Variants in CAPZB observed in about 807,000 individuals in gnomAD.
CAPZB encodes the protein F-actin-capping protein subunit beta.
A neutral mutation model predicts 38.1 loss-of-function variants in CAPZB; 2 were observed. That is an observed-to-expected ratio of 0.05 (90% CI 0.02 to 0.17). The LOEUF is 0.17. Ranked by LOEUF, CAPZB falls within the 10% of genes least tolerant of loss-of-function variation. CAPZB has a pLI of 1.00. For synonymous variants in CAPZB, 107 were observed against 127.4 expected, an observed-to-expected ratio of 0.84 and a Z score of 1.08; for missense variants, 161 against 334.2, an observed-to-expected ratio of 0.48 and a Z score of 4.04.
At chr1:19,423,381 C>A (rs1467701632) in intron 1 of CAPZB, among the ~76,000 whole-genome samples, 4 of 152,012 alleles carry the variant, frequency 2.6e-5, no homozygotes, top group Admixed American at 2.6e-4. Flanking sequence ...TGTGGATGAC[C>A]TTCAGCTACA....
In CAPZB at chr1:19,366,801, T is replaced by G. The variant is rs112205621; in HGVS notation, c.330-9238A>C. Among the ~76,000 whole-genome samples the G allele has an allele frequency of 2.2e-4, 33 of 152,180 alleles. 1 individual carries two copies. The highest frequency in any genetic ancestry group is 7.7e-4 in the African/African-American group (32 of 41,514). On this transcript the variant is annotated intron_variant, in intron 4 of 8. Coordinates refer to ENST00000264202, the MANE Select transcript of CAPZB (RefSeq NM_004930.5). ...CAGAGCCATTCCCCGGCAGCTGAGG[T>G]TCTGGCCCTAAAACAATGCCTTTTT... is the stretch of plus-strand genomic sequence containing the variant.
intron 2 of CAPZB, among the ~76,000 whole-genome samples, chr1:19,391,409 A>G (rs571190294): frequency 1.3e-5 from 2 of 152,286 alleles, no homozygotes; most frequent in East Asian, 3.9e-4. Flanking sequence ...CTGTTGGCCG[A>G]GAGCCCACCA....
chr1:19,405,541 CAAAA>C (rs10577923), intron 2 of CAPZB, among the ~76,000 whole-genome samples: 2,211 of 96,428 alleles, frequency 0.023, 21 homozygotes, highest in Middle Eastern at 0.082. Flanking sequence ...TAGAAAGAGG[CAAAA>C]AAAAAAAAAA....
chr1:19,409,415 T>C lies in CAPZB; in HGVS notation c.93+10246A>G, dbSNP rs141432110. Among the ~76,000 whole-genome samples, 190 of 152,222 alleles carry C rather than the reference T, an allele frequency of 1.2e-3. 1 individual carries two copies. The highest frequency in any genetic ancestry group is 4.5e-3 in the African/African-American group (187 of 41,540). Reference sequence around the variant, plus strand: ...GAAGGAGGCTTTTCCAGCCATCCCATCTCGGTTTATTTTGCACTTCTAACT... The same window carrying C: ...GAAGGAGGCTTTTCCAGCCATCCCACCTCGGTTTATTTTGCACTTCTAACT... On this transcript the variant is annotated intron_variant, in intron 2 of 8. Transcript: ENST00000264202.
At chr1:19,342,773 G>C (rs747409737) in intron 8 of CAPZB, 2 of 1,610,702 alleles carry the variant, frequency 1.2e-6, no homozygotes, top group Non-Finnish European at 1.7e-6. Context: ...TAATTATCAG[G>C]CTGGATGTAG....
chr1:19,367,676 G>A (rs2094097065), intron 4 of CAPZB, among the ~76,000 whole-genome samples: 1 of 152,154 alleles, frequency 6.6e-6, no homozygotes, highest in Non-Finnish European at 1.5e-5. Flanking sequence ...GTACACACAG[G>A]TGCAACAATC....
chr1:19,387,942 T>G (rs1053380272), intron 2 of CAPZB, among the ~76,000 whole-genome samples: 8 of 152,196 alleles, frequency 5.3e-5, no homozygotes, highest in Non-Finnish European at 1.2e-4. Flanking sequence ...CTGTCACCTG[T>G]TACTCTCAGA....
At chr1:19,402,936 C>T (rs2094310988) in intron 2 of CAPZB, among the ~76,000 whole-genome samples, 1 of 152,098 alleles carries the variant, frequency 6.6e-6, no homozygotes, top group South Asian at 2.1e-4. Flanking sequence ...GTAATCCCAG[C>T]TACTTGGGAG....
chr1:19,462,970 A>G (rs2094556905), intron 1 of CAPZB, among the ~76,000 whole-genome samples: 1 of 152,256 alleles, frequency 6.6e-6, no homozygotes, highest in South Asian at 2.1e-4. Flanking sequence ...GCCCAGATAT[A>G]GAACATTTCC....
intron 6 of CAPZB, among the ~76,000 whole-genome samples, chr1:19,348,424 C>T (rs1026157778): frequency 6.6e-6 from 1 of 152,148 alleles, no homozygotes; most frequent in African/African-American, 2.4e-5. Context: ...AGTTAGCATT[C>T]ATCTGCTTAA....
At chr1:19,364,841 CTT>C (rs754275666) in intron 4 of CAPZB, among the ~76,000 whole-genome samples, 3 of 147,900 alleles carry the variant, frequency 2.0e-5, no homozygotes, top group African/African-American at 4.9e-5. Context: ...AGTATTTTTT[CTT>C]TTTTTTTTTC....
intron 4 of CAPZB, among the ~76,000 whole-genome samples, chr1:19,375,701 A>G (rs1183007747): frequency 6.6e-6 from 1 of 152,098 alleles, no homozygotes; most frequent in African/African-American, 2.4e-5. Flanking sequence ...ACAAATACAC[A>G]TTTCCCAGGG....
At chr1:19,420,019 CCTCACCGGCTCCCCTGCTCCTG>C (rs1296374105) in intron 1 of CAPZB, 2 of 424,460 alleles carry the variant, frequency 4.7e-6, no homozygotes, top group Non-Finnish European at 8.5e-6. Context: ...CAGAAAGCTC[CCTCACCGGCTCCCCTGCTCCTG>C]CTCAACAGGC....
chr1:19,351,876 C>A (rs751074395), intron 6 of CAPZB, among the ~76,000 whole-genome samples: 2 of 152,194 alleles, frequency 1.3e-5, no homozygotes, highest in Admixed American at 1.3e-4. Flanking sequence ...CCTGTTTCCG[C>A]CCTTCACAGC....
chr1:19,442,009 C>CAAAACAAA (rs1553287699), intron 1 of CAPZB, among the ~76,000 whole-genome samples: 11,185 of 85,904 alleles, frequency 0.13, 744 homozygotes, highest in Admixed American at 0.21. Flanking sequence ...ACTCTGTCTC[C>CAAAACAAA]AAAAAAAAAA....
At chr1:19,437,198 CA>C (rs924253729) in intron 1 of CAPZB, among the ~76,000 whole-genome samples, 31 of 152,316 alleles carry the variant, frequency 2.0e-4, no homozygotes, top group African/African-American at 7.2e-4. Context: ...TCATTAAAAG[CA>C]AACAGTCTTG....
chr1:19,470,233 T>A (rs2094582527), intron 1 of CAPZB, among the ~76,000 whole-genome samples: 1 of 152,060 alleles, frequency 6.6e-6, no homozygotes, highest in Non-Finnish European at 1.5e-5. Flanking sequence ...AAATAAAAAA[T>A]AAAAAATAGT....
chr1:19,432,632 A>C (rs1327478762), intron 1 of CAPZB, among the ~76,000 whole-genome samples: 1 of 152,222 alleles, frequency 6.6e-6, no homozygotes, highest in African/African-American at 2.4e-5. Context: ...TGTGGGTTTC[A>C]GGAGAGCCTC....
chr1:19,481,563 G>A (rs1010611532), intron 1 of CAPZB, among the ~76,000 whole-genome samples: 10 of 152,204 alleles, frequency 6.6e-5, no homozygotes, highest in African/African-American at 1.9e-4. Context: ...ATGTTTCTGG[G>A]TCACAGCAGA....
Sources: allele counts gnomAD v4.1 joint callset (sites outside exome capture counted in the v4.1 genomes callset), GRCh38; gene constraint gnomAD v4.1.1; transcripts MANE v1.5; gene names NCBI Gene and HGNC (gene_info 2026-07-23, HGNC 2026-07-21).